The following YIPF7 variants were observed in gnomAD, a reference collection of about 807,000 sequenced individuals.
The protein encoded by YIPF7 is Yip1 domain family member 7.
In YIPF7, 35 loss-of-function variants were observed where a neutral mutation model predicts 27.2. The ratio of observed to expected loss-of-function variants is 1.29; its 90% CI spans 0.98 to 1.70. YIPF7 has a LOEUF of 1.70. Ranked by LOEUF, YIPF7 falls within the 40% of genes most tolerant of loss-of-function variation. The pLI is 0.00. For missense variants in YIPF7, 358 were observed against 303.7 expected (o/e 1.18, Z -1.33); for synonymous variants, 137 against 110.4 (o/e 1.24, Z -1.51).
intron 2 of YIPF7, among the ~76,000 whole-genome samples, chr4:44,657,229 T>G (rs1491317): frequency 2.0e-5 from 3 of 151,974 alleles, no homozygotes; most frequent in African/African-American, 7.3e-5. Flanking sequence ...CTACCTTCTT[T>G]CGACAGGAGA....
intron 1 of YIPF7, among the ~76,000 whole-genome samples, chr4:44,650,583 C>T (rs2109601737): frequency 6.6e-6 from 1 of 152,254 alleles, no homozygotes; most frequent in African/African-American, 2.4e-5. Context: ...AATACTCCTT[C>T]CCAAAGCAAA....
At chr4:44,631,844 T>C (rs1016178624) in intron 3 of YIPF7, among the ~76,000 whole-genome samples, 1 of 152,158 alleles carries the variant, frequency 6.6e-6, no homozygotes, top group Non-Finnish European at 1.5e-5. Context: ...ACCAGAAATT[T>C]ATGCGCTCAA....
chr4:44,650,676 C>G (rs1412600409), intron 1 of YIPF7, among the ~76,000 whole-genome samples: 1 of 152,208 alleles, frequency 6.6e-6, no homozygotes, highest in Non-Finnish European at 1.5e-5. Context: ...TTCTTTTGCT[C>G]TGGATACTGC....
At chr4:44,643,563 G>C (rs1230782959) in intron 2 of YIPF7, among the ~76,000 whole-genome samples, 5 of 152,166 alleles carry the variant, frequency 3.3e-5, no homozygotes, top group African/African-American at 7.2e-5. Flanking sequence ...TGTGCTATTA[G>C]TCAAGAAAAC....
chr4:44,631,659 T>G (rs1315913041), intron 3 of YIPF7, among the ~76,000 whole-genome samples: 2 of 152,160 alleles, frequency 1.3e-5, no homozygotes, highest in Non-Finnish European at 2.9e-5. Context: ...GTTTCATCCT[T>G]GATTTGCACA....
chr4:44,632,235 C>G lies in YIPF7; in HGVS notation c.281-2687G>C, dbSNP rs996707669. Among the ~76,000 whole-genome samples, 8 of 151,804 alleles carry G rather than the reference C, an allele frequency of 5.3e-5. No homozygotes were observed. In the East Asian group the frequency reaches 1.5e-3, roughly 29 times the overall value. On this transcript the variant is annotated intron_variant, in intron 3 of 5. Coordinates refer to ENST00000415895, the MANE Select transcript of YIPF7 (RefSeq NM_182592.3). ...TACTCTAATATAACATCTTATTGTA[C>G]AAAATAAAAGAAGATAAAACTGCTG...
Position 44,622,429 on chromosome 4 carries a change from G to T in YIPF7, c.756C>A (p.Leu252=), listed in dbSNP as rs1712474073. Residue 252 remains leucine (L), a synonymous_variant, in exon 6 of 6, where the codon CTC becomes CTA. Transcript: ENST00000415895. ...PCAILYGLFA[L]LTIF The stretch of plus-strand genomic sequence containing the variant: ...CAAACATTCTTTAGAAAATTGTTAG[G>T]AGGGCAAAAAGTCCATAAAGTATGG... 6.2e-7 allele frequency: 1 copy of T among 1,612,526 alleles called. No individual in the cohort carries two copies. The highest frequency in any genetic ancestry group is 1.1e-5 in the South Asian group (1 of 90,642).
At chr4:44,622,615 G>A (rs1712484457) in intron 5 of YIPF7, 39 bp from the exon 6 acceptor site, 1 of 1,603,572 alleles carries the variant, frequency 6.2e-7, no homozygotes, top group Non-Finnish European at 8.5e-7. Context: ...TGTGCCAGTA[G>A]AAAAGAGATT....
In YIPF7 at chr4:44,651,503, G is replaced by A. The variant is rs776243635; in HGVS notation, c.-2+51C>T. On this transcript the variant is annotated intron_variant, in intron 1 of 5. Transcript: ENST00000415895. ...GGTACTACAGTCCTTACATAACCGA[G>A]CTTTGTATTTTGTTTAAATGCCAAG... The A allele has an allele frequency of 2.3e-6, 3 of 1,325,182 alleles. No individual in the cohort carries two copies. The African/African-American group carries it at 4.5e-5, about 20-fold the overall frequency. The allele number at this position is 1,325,182 out of a possible 1,614,324, so 82.1% of individuals were successfully genotyped here.
chr4:44,633,731 T>G (rs372871449), intron 3 of YIPF7, among the ~76,000 whole-genome samples: 12 of 149,388 alleles, frequency 8.0e-5, no homozygotes, highest in African/African-American at 2.9e-4. Context: ...AAAAAAAAAG[T>G]TTAAAATGCA....
chr4:44,628,399 A>T (rs1712747511), intron 4 of YIPF7, among the ~76,000 whole-genome samples: 1 of 152,170 alleles, frequency 6.6e-6, no homozygotes, highest in East Asian at 1.9e-4. Flanking sequence ...CTACTTTTGA[A>T]AATTGTATAT....
At chr4:44,629,719 T>C (rs888236317) in intron 3 of YIPF7, among the ~76,000 whole-genome samples, 171 bp from the exon 4 acceptor site, 2 of 108,892 alleles carry the variant, frequency 1.8e-5, no homozygotes, top group African/African-American at 2.7e-5. Flanking sequence ...AAACTCAAGT[T>C]CTATGTAACA....
At chr4:44,627,710 A>G (rs1454476702) in intron 4 of YIPF7, among the ~76,000 whole-genome samples, 1 of 152,178 alleles carries the variant, frequency 6.6e-6, no homozygotes, top group Non-Finnish European at 1.5e-5. Context: ...CATATTCTCC[A>G]CAATTTTAGA....
intron 4 of YIPF7, among the ~76,000 whole-genome samples, chr4:44,627,557 C>A (rs1424123464): frequency 1.3e-5 from 2 of 152,178 alleles, no homozygotes; most frequent in South Asian, 4.1e-4. Flanking sequence ...TGAGTTAAAT[C>A]ATACTTCAAG....
At chr4:44,650,251 G>T in intron 1 of YIPF7, 150 bp from the exon 2 acceptor site, 1 of 660,088 alleles carries the variant, frequency 1.5e-6, no homozygotes, top group Non-Finnish European at 2.7e-6. Flanking sequence ...AGTATTGGGG[G>T]AAGGGTATAG....
At chr4:44,644,730 T>C (rs979297258) in intron 2 of YIPF7, among the ~76,000 whole-genome samples, 5 of 152,130 alleles carry the variant, frequency 3.3e-5, no homozygotes, top group Admixed American at 1.3e-4. Flanking sequence ...TGTGAGGACA[T>C]GAGATTTGGG....
At chr4:44,639,540 ATATG>A (rs1713253575) in intron 2 of YIPF7, among the ~76,000 whole-genome samples, 1 of 152,146 alleles carries the variant, frequency 6.6e-6, no homozygotes, top group Non-Finnish European at 1.5e-5. Flanking sequence ...TTGATTTTAT[ATATG>A]TATGTATTTT....
Position 44,638,885 on chromosome 4 carries a change from T to C in YIPF7, c.117-2800A>G, listed in dbSNP as rs1211829391. On this transcript the variant is annotated intron_variant, in intron 2 of 5. Transcript: ENST00000415895. ...TTTTGTATATGGTGGGAGATAGAGGTCCAGTTTAATTCTTCTGCAAATGGC... is the reference window on the plus strand; with the variant it reads ...TTTTGTATATGGTGGGAGATAGAGGCCCAGTTTAATTCTTCTGCAAATGGC... 2.0e-5 allele frequency among the ~76,000 whole-genome samples: 3 copies of C among 152,184 alleles called. No homozygotes were observed. The East Asian group carries it at 5.8e-4, about 29-fold the overall frequency.
chr4:44,628,463 G>A (rs1259227115), intron 4 of YIPF7, among the ~76,000 whole-genome samples: 1 of 152,100 alleles, frequency 6.6e-6, no homozygotes, highest in African/African-American at 2.4e-5. Flanking sequence ...ATGGGGAAGA[G>A]GGCTAAATAG....
Sources: allele counts gnomAD v4.1 joint callset (sites outside exome capture counted in the v4.1 genomes callset), GRCh38; gene constraint gnomAD v4.1.1; transcripts MANE v1.5; gene names NCBI Gene and HGNC (gene_info 2026-07-23, HGNC 2026-07-21).